Variants in ELAPOR2 observed in about 807,000 individuals in gnomAD.
The protein encoded by ELAPOR2 is endosome-lysosome associated apoptosis and autophagy regulator family member 2.
In ELAPOR2, 89 loss-of-function variants were observed where a neutral mutation model predicts 120.7. The observed-to-expected ratio is 0.74, with a 90% confidence interval of 0.62 to 0.88. The LOEUF (loss-of-function observed/expected upper bound fraction) is 0.88, where lower values mean the gene tolerates loss of function less well. Among genes scored for constraint, ELAPOR2 ranks in the 40% least tolerant of loss-of-function variants. The pLI, the probability that ELAPOR2 is intolerant of heterozygous loss-of-function variation, is 0.00. For missense variants in ELAPOR2, 1,134 were observed against 1,251.6 expected (o/e 0.91, Z 1.42); for synonymous variants, 444 against 444.9 (o/e 1.00, Z 0.03).
At chr7:87,012,238 T>C (rs561763214) in intron 1 of ELAPOR2, among the ~76,000 whole-genome samples, 9 of 152,162 alleles carry the variant, frequency 5.9e-5, no homozygotes, top group South Asian at 2.1e-4. Context: ...GGTGAAACCC[T>C]GTCTCTACTA....
chr7:87,007,190 T>C (rs1793511975), intron 1 of ELAPOR2, among the ~76,000 whole-genome samples: 1 of 152,214 alleles, frequency 6.6e-6, no homozygotes, highest in African/African-American at 2.4e-5. Context: ...TGATTGTATG[T>C]ACACTGTACC....
chr7:86,892,130 C>T (rs1788196049), intron 20 of ELAPOR2, among the ~76,000 whole-genome samples: 1 of 151,996 alleles, frequency 6.6e-6, no homozygotes, highest in African/African-American at 2.4e-5. Context: ...TACCACTTTA[C>T]ATTGAATTGT....
At chr7:87,053,022 T>G (rs756331477) in intron 1 of ELAPOR2, among the ~76,000 whole-genome samples, 9 of 152,156 alleles carry the variant, frequency 5.9e-5, no homozygotes, top group Non-Finnish European at 1.2e-4. Context: ...GGTCTTAAAC[T>G]GCTTGGCTCA....
chr7:87,038,563 A>C (rs1159789971), intron 1 of ELAPOR2, among the ~76,000 whole-genome samples: 1 of 152,196 alleles, frequency 6.6e-6, no homozygotes. Context: ...TAATACATTC[A>C]AAAGACTGAA....
At chr7:86,940,887 T>C (rs888408394) in intron 5 of ELAPOR2, among the ~76,000 whole-genome samples, 2 of 152,126 alleles carry the variant, frequency 1.3e-5, no homozygotes, top group African/African-American at 4.8e-5. Context: ...CATTAAGCAC[T>C]TTCCCTTGTA....
chr7:86,916,875 A>G (rs1339953481), intron 12 of ELAPOR2, among the ~76,000 whole-genome samples: 1 of 151,036 alleles, frequency 6.6e-6, no homozygotes, highest in Non-Finnish European at 1.5e-5. Context: ...GTGTAGTGGC[A>G]TGATCATGTA....
chr7:87,046,627 A>C (rs1339296822), intron 1 of ELAPOR2, among the ~76,000 whole-genome samples: 1 of 152,022 alleles, frequency 6.6e-6, no homozygotes, highest in Admixed American at 6.6e-5. Context: ...AGTTTCCCCC[A>C]CCCCATTCTC....
intron 1 of ELAPOR2, among the ~76,000 whole-genome samples, chr7:87,051,712 C>T (rs11768112): frequency 0.57 from 86,458 of 152,086 alleles, 25,269 homozygotes; most frequent in East Asian, 0.76. Flanking sequence ...CAAGACACAA[C>T]TTTGCAGCTG....
At chr7:86,890,108 G>A (rs943335456) in intron 21 of ELAPOR2, among the ~76,000 whole-genome samples, 1 of 151,728 alleles carries the variant, frequency 6.6e-6, no homozygotes, top group African/African-American at 2.4e-5. Context: ...GGAAATAAAG[G>A]GAAAATTCAT....
At chr7:86,918,175 T>G (rs1789651107) in intron 12 of ELAPOR2, among the ~76,000 whole-genome samples, 1 of 151,868 alleles carries the variant, frequency 6.6e-6, no homozygotes, top group African/African-American at 2.4e-5. Flanking sequence ...TTTACCAGAT[T>G]AATATTCCCT....
At chr7:86,928,784 CT>C (rs1461853744) in intron 8 of ELAPOR2, among the ~76,000 whole-genome samples, 1 of 151,958 alleles carries the variant, frequency 6.6e-6, no homozygotes, top group Non-Finnish European at 1.5e-5. Flanking sequence ...ATATACACCA[CT>C]TTTAAATACT....
At chr7:87,019,979 A>G (rs982352314) in intron 1 of ELAPOR2, among the ~76,000 whole-genome samples, 1 of 152,280 alleles carries the variant, frequency 6.6e-6, no homozygotes, top group Admixed American at 6.5e-5. Context: ...CCAATATAGC[A>G]TATACAATAT....
chr7:86,958,553 T>C (rs545749549), intron 2 of ELAPOR2, among the ~76,000 whole-genome samples: 15 of 152,284 alleles, frequency 9.9e-5, no homozygotes, highest in South Asian at 8.3e-4. Flanking sequence ...AGCCGGCCGA[T>C]TGAGTTGCCA....
intron 16 of ELAPOR2, among the ~76,000 whole-genome samples, chr7:86,909,233 T>C (rs1489483513): frequency 6.6e-6 from 1 of 152,048 alleles, no homozygotes; most frequent in Non-Finnish European, 1.5e-5. Flanking sequence ...GAATCACCTA[T>C]GAAGCTTGTT....
intron 1 of ELAPOR2, among the ~76,000 whole-genome samples, chr7:86,975,009 C>T (rs948289496): frequency 8.6e-5 from 13 of 152,018 alleles, no homozygotes; most frequent in Admixed American, 2.0e-4. Context: ...TAAGTACTTT[C>T]GAAATGAGCA....
chr7:86,910,402 G>C (rs1789246138), intron 15 of ELAPOR2, among the ~76,000 whole-genome samples: 1 of 152,056 alleles, frequency 6.6e-6, no homozygotes, highest in Non-Finnish European at 1.5e-5. Context: ...AAAAAGTGTT[G>C]GTCTTCCTTT....
intron 1 of ELAPOR2, among the ~76,000 whole-genome samples, chr7:87,059,073 A>G (rs557941284): frequency 1.3e-5 from 2 of 152,106 alleles, no homozygotes; most frequent in East Asian, 3.9e-4. Flanking sequence ...AGGACGCCGC[A>G]AAGTCCTGCA....
intron 10 of ELAPOR2, among the ~76,000 whole-genome samples, chr7:86,923,399 A>G (rs78623893): frequency 0.019 from 2,822 of 152,088 alleles, 71 homozygotes; most frequent in East Asian, 0.12. Flanking sequence ...CCCAAAATAT[A>G]TAAAACTATT....
At chr7:86,938,343 T>C (rs1464038303) in intron 7 of ELAPOR2, 129 bp from the exon 8 acceptor site, 3 of 631,218 alleles carry the variant, frequency 4.8e-6, no homozygotes, top group Non-Finnish European at 2.8e-6. Context: ...TAGGTAGAAC[T>C]ACCTAGGTCT....
Sources: allele counts gnomAD v4.1 joint callset (sites outside exome capture counted in the v4.1 genomes callset), GRCh38; gene constraint gnomAD v4.1.1; transcripts MANE v1.5; gene names NCBI Gene and HGNC (gene_info 2026-07-23, HGNC 2026-07-21).